The following NR3C2 variants were observed in gnomAD, a reference collection of about 807,000 sequenced individuals.
NR3C2 encodes the protein nuclear receptor subfamily 3 group C member 2.
A neutral mutation model predicts 86.4 loss-of-function variants in NR3C2; 15 were observed. The observed-to-expected ratio is 0.17, with a 90% CI of 0.12 to 0.27. The LOEUF is 0.27. Among genes scored for constraint, NR3C2 ranks in the 10% least tolerant of loss-of-function variants. The probability of loss-of-function intolerance (pLI) is 1.00; values close to 1 mark genes in which losing one functional copy is unlikely to be tolerated. For synonymous variants in NR3C2, 458 were observed against 450.5 expected, an observed-to-expected ratio of 1.02 and a Z score of -0.21; for missense variants, 960 against 1,195.6, an observed-to-expected ratio of 0.80 and a Z score of 2.91.
chr4:148,409,542 T>C (rs1374678847), intron 2 of NR3C2, among the ~76,000 whole-genome samples: 8 of 152,168 alleles, frequency 5.3e-5, no homozygotes, highest in Non-Finnish European at 1.0e-4. Flanking sequence ...CTGATGGACC[T>C]TTCCTTAGGT....
intron 3 of NR3C2, among the ~76,000 whole-genome samples, chr4:148,211,225 A>G (rs903219684): frequency 6.6e-6 from 1 of 152,256 alleles, no homozygotes. Context: ...TTACAAAAGA[A>G]TACTTCTAAG....
intron 2 of NR3C2, among the ~76,000 whole-genome samples, chr4:148,378,738 C>T (rs1483283484): frequency 6.6e-6 from 1 of 152,162 alleles, no homozygotes; most frequent in Non-Finnish European, 1.5e-5. Context: ...CCTATGCAGC[C>T]TGCAGAATCG....
intron 2 of NR3C2, among the ~76,000 whole-genome samples, chr4:148,387,158 G>A (rs1561078281): frequency 6.6e-6 from 1 of 152,144 alleles, no homozygotes; most frequent in Non-Finnish European, 1.5e-5. Flanking sequence ...TTTCTTTCCT[G>A]CAGAAAGCTT....
At chr4:148,295,199 C>T (rs1387966996) in intron 2 of NR3C2, among the ~76,000 whole-genome samples, 3 of 151,940 alleles carry the variant, frequency 2.0e-5, no homozygotes, top group African/African-American at 7.3e-5. Flanking sequence ...AGTTTTTCTT[C>T]AGAATAAGCT....
At chr4:148,338,840 AG>A (rs1353203313) in intron 2 of NR3C2, among the ~76,000 whole-genome samples, 17 of 152,222 alleles carry the variant, frequency 1.1e-4, no homozygotes, top group Non-Finnish European at 2.9e-5. Flanking sequence ...ATAAAAGCAT[AG>A]GGGCCAAACA....
intron 2 of NR3C2, among the ~76,000 whole-genome samples, chr4:148,339,345 C>T (rs1260333129): frequency 1.3e-5 from 2 of 152,128 alleles, no homozygotes; most frequent in African/African-American, 4.8e-5. Flanking sequence ...GATATACAAC[C>T]ACAACCTCCA....
chr4:148,277,067 C>G (rs1740996621), intron 2 of NR3C2, among the ~76,000 whole-genome samples: 1 of 152,124 alleles, frequency 6.6e-6, no homozygotes. Context: ...AAATATTTTT[C>G]AATATCTTCT....
chr4:148,443,344 T>C (rs544872569), upstream of NR3C2, among the ~76,000 whole-genome samples: 1 of 151,454 alleles, frequency 6.6e-6, no homozygotes, highest in South Asian at 2.1e-4. Context: ...CTTACTACTT[T>C]AGTATTGGAT....
At chr4:148,444,999 G>GC (rs992349650), upstream of NR3C2, 1 of 982,560 alleles carries the variant, frequency 1.0e-6, no homozygotes, top group Non-Finnish European at 1.2e-6. Flanking sequence ...GGGAGCCTGC[G>GC]CCCCCCTCCC....
chr4:148,082,178 CT>C (rs752442949), intron 8 of NR3C2, among the ~76,000 whole-genome samples: 1 of 152,218 alleles, frequency 6.6e-6, no homozygotes, highest in Non-Finnish European at 1.5e-5. Flanking sequence ...GGGTGTCCCC[CT>C]AGCTCATTTT....
intron 2 of NR3C2, among the ~76,000 whole-genome samples, chr4:148,413,425 G>A (rs965726349): frequency 1.3e-5 from 2 of 151,646 alleles, no homozygotes; most frequent in Non-Finnish European, 2.9e-5. Context: ...TGAACTTAGA[G>A]TAGAGAGGGG....
At chr4:148,107,552 T>C (rs1403569801) in intron 8 of NR3C2, among the ~76,000 whole-genome samples, 1 of 152,222 alleles carries the variant, frequency 6.6e-6, no homozygotes, top group Non-Finnish European at 1.5e-5. Flanking sequence ...CACACGTATA[T>C]TTATTGCAAC....
chr4:148,335,487 A>G (rs1744434150), intron 2 of NR3C2, among the ~76,000 whole-genome samples: 1 of 152,182 alleles, frequency 6.6e-6, no homozygotes, highest in African/African-American at 2.4e-5. Flanking sequence ...CAGAAGAACT[A>G]CTGTTCAGTC....
At chr4:148,172,501 AAAT>A (rs1735179644) in intron 4 of NR3C2, among the ~76,000 whole-genome samples, 1 of 152,202 alleles carries the variant, frequency 6.6e-6, no homozygotes, top group Non-Finnish European at 1.5e-5. Context: ...GGGATGGAAA[AAAT>A]AATATTACAC....
At chr4:148,118,131 A>G (rs1419081965) in intron 7 of NR3C2, among the ~76,000 whole-genome samples, 2 of 152,166 alleles carry the variant, frequency 1.3e-5, no homozygotes, top group African/African-American at 2.4e-5. Context: ...GCTGTTGTCA[A>G]GAGTTAAACT....
intron 2 of NR3C2, among the ~76,000 whole-genome samples, chr4:148,351,357 G>A (rs1195570807): frequency 6.6e-6 from 1 of 152,110 alleles, no homozygotes; most frequent in African/African-American, 2.4e-5. Flanking sequence ...TGCCCAGCTG[G>A]GTCTTGAACT....
intron 2 of NR3C2, among the ~76,000 whole-genome samples, chr4:148,265,197 G>A (rs545614643): frequency 5.9e-5 from 9 of 152,260 alleles, no homozygotes; most frequent in Middle Eastern, 3.4e-3. Flanking sequence ...CAAGCAAGCT[G>A]CAACTATTTT....
At chr4:148,349,938 A>G (rs767441958) in intron 2 of NR3C2, among the ~76,000 whole-genome samples, 1 of 152,220 alleles carries the variant, frequency 6.6e-6, no homozygotes, top group Non-Finnish European at 1.5e-5. Flanking sequence ...AGATAAACAT[A>G]AAATTCAGTA....
At chr4:148,386,991 C>A (rs189388467) in intron 2 of NR3C2, among the ~76,000 whole-genome samples, 1 of 152,248 alleles carries the variant, frequency 6.6e-6, no homozygotes, top group East Asian at 1.9e-4. Context: ...AGTGACTTAA[C>A]CCAGTTTTGT....
Sources: allele counts gnomAD v4.1 joint callset (sites outside exome capture counted in the v4.1 genomes callset), GRCh38; gene constraint gnomAD v4.1.1; transcripts MANE v1.5; gene names NCBI Gene and HGNC (gene_info 2026-07-23, HGNC 2026-07-21).